The following RALGAPA2 variants were observed in gnomAD, a reference collection of about 807,000 sequenced individuals.
The protein encoded by RALGAPA2 is Ral GTPase activating protein catalytic subunit alpha 2, also known as ral GTPase-activating protein subunit alpha-2.
A neutral mutation model predicts 230.4 loss-of-function variants in RALGAPA2; 139 were observed. That is an observed-to-expected ratio of 0.60 (90% CI 0.53 to 0.69). The LOEUF is 0.69. Ranked by LOEUF, RALGAPA2 falls within the 30% of genes least tolerant of loss-of-function variation. RALGAPA2 has a pLI of 0.00. For synonymous variants in RALGAPA2, 847 were observed against 837.8 expected (o/e 1.01, Z -0.19); for missense variants, 2,163 against 2,276.0 (o/e 0.95, Z 1.01).
intron 3 of RALGAPA2, among the ~76,000 whole-genome samples, chr20:20,664,184 T>C (rs547542971): frequency 3.4e-4 from 52 of 152,296 alleles, no homozygotes; most frequent in Non-Finnish European, 5.9e-4. Flanking sequence ...AACCAAAACC[T>C]CAGAAGGTGA....
intron 37 of RALGAPA2, chr20:20,471,880 A>G (rs1166841138): frequency 6.6e-6 from 1 of 152,174 alleles, no homozygotes; most frequent in African/African-American, 2.4e-5. Flanking sequence ...GTATTTTTTC[A>G]TGAACCGTAT....
chr20:20,676,255 G>A lies in RALGAPA2; in HGVS notation c.251C>T (p.Ser84Phe), dbSNP rs750170094. ...NNKSQREELDSILFLFEKILQ... is the reference protein window; with the variant it reads ...NNKSQREELDFILFLFEKILQ... Reference sequence around the variant, plus strand: ...ACTTACTTCAAAAAGGAAGAGGATGGAGTCCAGCTCCTCCCTTTGTGACTT... The same window carrying A: ...ACTTACTTCAAAAAGGAAGAGGATGAAGTCCAGCTCCTCCCTTTGTGACTT... Residue 84 changes from serine (S) to phenylalanine (F), a missense_variant, in exon 3 of 40, where the codon TCC becomes TTC. Physicochemically the swap from Ser to Phe is radical, Grantham distance 155. Transcript: ENST00000202677. 7.0e-6 allele frequency: 11 copies of A among 1,560,874 alleles called. No homozygotes were observed. The South Asian group carries it at 1.3e-4, about 18-fold the overall frequency.
chr20:20,473,066 CCA>C, intron 36 of RALGAPA2, 110 bp from the exon 37 acceptor site: 1 of 1,209,632 alleles, frequency 8.3e-7, no homozygotes, highest in Non-Finnish European at 1.1e-6. Context: ...AAGCTGTCAC[CCA>C]CAGAGCAGAC....
intron 16 of RALGAPA2, among the ~76,000 whole-genome samples, chr20:20,599,516 T>C (rs980007109): frequency 2.1e-4 from 32 of 152,234 alleles, no homozygotes; most frequent in African/African-American, 7.0e-4. Flanking sequence ...AACCACAATC[T>C]GTAAAATCAG....
In RALGAPA2 at chr20:20,398,098, T is replaced by C. The variant is rs555969006; in HGVS notation, c.5618-1364A>G. ...GCTGAAGGGCCCCCATTTCCTCTCA[T>C]GGAAGAGGGCAAACATAGAGCATAT... is the stretch of plus-strand genomic sequence containing the variant. On this transcript the variant is annotated intron_variant, in intron 38 of 39. Transcript: ENST00000202677. The surrounding 1 kb of genome is among the most constrained non-coding windows in gnomAD (Gnocchi z 4.5). 1.4e-4 allele frequency among the ~76,000 whole-genome samples: 21 copies of C among 152,292 alleles called. No homozygotes were observed. Among genetic ancestry groups the C allele is most frequent in the African/African-American group, 4.6e-4 (19 of 41,566 alleles).
At chr20:20,663,705 C>A (rs1358839300) in intron 3 of RALGAPA2, among the ~76,000 whole-genome samples, 3 of 152,158 alleles carry the variant, frequency 2.0e-5, no homozygotes, top group East Asian at 1.9e-4. Flanking sequence ...GATTCTCAAG[C>A]CTCAGCCTCC....
chr20:20,464,726 T>C (rs1304406734), intron 37 of RALGAPA2, among the ~76,000 whole-genome samples: 1 of 152,226 alleles, frequency 6.6e-6, no homozygotes, highest in East Asian at 1.9e-4. Context: ...TCCATATAAA[T>C]GTGCTTCAAC....
intron 9 of RALGAPA2, among the ~76,000 whole-genome samples, chr20:20,633,454 C>G (rs1243325871): frequency 6.6e-6 from 1 of 151,418 alleles, no homozygotes; most frequent in Non-Finnish European, 1.5e-5. Context: ...TTATTTCTAC[C>G]TAAGGTAGTC....
chr20:20,698,426 T>G (rs2069207159), intron 1 of RALGAPA2, among the ~76,000 whole-genome samples: 1 of 152,126 alleles, frequency 6.6e-6, no homozygotes, highest in Non-Finnish European at 1.5e-5. Context: ...AGTCTCGCTC[T>G]GTCACCAGAC....
intron 31 of RALGAPA2, among the ~76,000 whole-genome samples, chr20:20,516,187 G>A (rs2062865407): frequency 6.6e-6 from 1 of 152,196 alleles, no homozygotes; most frequent in Non-Finnish European, 1.5e-5. Flanking sequence ...CCCCACTCAA[G>A]GAGAGTCAGA....
chr20:20,598,439 C>A (rs1020745023), intron 16 of RALGAPA2, among the ~76,000 whole-genome samples: 1 of 152,122 alleles, frequency 6.6e-6, no homozygotes, highest in African/African-American at 2.4e-5. Flanking sequence ...CTGAAAAACC[C>A]TTCTATCCTT....
chr20:20,577,714 C>T (rs978670961), intron 20 of RALGAPA2, among the ~76,000 whole-genome samples: 1 of 151,862 alleles, frequency 6.6e-6, no homozygotes, highest in Admixed American at 6.6e-5. Context: ...CAACATGAGC[C>T]CCCAAGTGAA....
At chr20:20,557,040 T>C (rs1341856001) in intron 23 of RALGAPA2, among the ~76,000 whole-genome samples, 1 of 152,200 alleles carries the variant, frequency 6.6e-6, no homozygotes, top group East Asian at 1.9e-4. Context: ...CCGAGCGTGA[T>C]GGCTTATGCC....
intron 23 of RALGAPA2, among the ~76,000 whole-genome samples, chr20:20,569,385 A>G (rs2064552227): frequency 6.6e-6 from 1 of 152,172 alleles, no homozygotes; most frequent in African/African-American, 2.4e-5. Flanking sequence ...TCAAGCTTCT[A>G]ACTAAGCCTA....
Position 20,391,060 on chromosome 20 carries a change from C to G in RALGAPA2, c.*2229G>C, listed in dbSNP as rs1204146441. 4.6e-5 allele frequency: 7 copies of G among 152,226 alleles called. No homozygotes were observed. The highest frequency in any genetic ancestry group is 1.7e-4 in the African/African-American group (7 of 41,452). 9.4% of individuals were successfully genotyped at this position (152,226 alleles called of 1,614,324 possible). ...TCTAAATCCTGACATATCTTTTCTA[C>G]TAAAGCCAGCAATTCCGCAACAGGA... On this transcript the variant is annotated 3_prime_UTR_variant, in exon 40 of 40. Coordinates refer to ENST00000202677, the MANE Select transcript of RALGAPA2 (RefSeq NM_020343.4).
intron 37 of RALGAPA2, among the ~76,000 whole-genome samples, chr20:20,421,202 A>T (rs947786052): frequency 6.6e-6 from 1 of 152,262 alleles, no homozygotes; most frequent in Admixed American, 6.5e-5. Context: ...ACACATGAAA[A>T]GATGCTCAAC....
At chr20:20,410,923 C>T (rs985446556) in intron 38 of RALGAPA2, among the ~76,000 whole-genome samples, 2 of 152,144 alleles carry the variant, frequency 1.3e-5, no homozygotes, top group East Asian at 1.9e-4. Context: ...TGGCTCCCTG[C>T]GCAAGTGCGT....
chr20:20,672,964 C>T (rs2068186916), intron 3 of RALGAPA2, among the ~76,000 whole-genome samples: 1 of 152,002 alleles, frequency 6.6e-6, no homozygotes, highest in African/African-American at 2.4e-5. Context: ...GTGGGCGGAT[C>T]ACAAGGTCAA....
chr20:20,705,583 T>A (rs1467122094), intron 1 of RALGAPA2, among the ~76,000 whole-genome samples: 1 of 152,210 alleles, frequency 6.6e-6, no homozygotes, highest in African/African-American at 2.4e-5. Flanking sequence ...AACAATAATT[T>A]ATATGCCTTC....
Sources: gnomAD v4.1 joint callset for allele counts (sites outside exome capture counted in the v4.1 genomes callset) on GRCh38, gnomAD v4.1.1 for gene constraint, Gnocchi (gnomAD v3.1) non-coding constraint, MANE v1.5 for transcripts, NCBI Gene and HGNC (gene_info 2026-07-23, HGNC 2026-07-21) for gene names.